The following FHIP1A variants were observed in gnomAD, a reference collection of about 807,000 sequenced individuals.
The protein encoded by FHIP1A is FHF complex subunit HOOK-interacting protein 1A.
A neutral mutation model predicts 88.6 loss-of-function variants in FHIP1A; 61 were observed. That is an observed-to-expected ratio of 0.69 (90% CI 0.56 to 0.85). FHIP1A has a LOEUF of 0.85. FHIP1A is among the 40% of genes least tolerant of loss of function. FHIP1A has a pLI of 0.00. For missense variants in FHIP1A, 1,154 were observed against 1,273.5 expected, an observed-to-expected ratio of 0.91 and a Z score of 1.43; for synonymous variants, 478 against 496.0, an observed-to-expected ratio of 0.96 and a Z score of 0.48.
intron 5 of FHIP1A, among the ~76,000 whole-genome samples, chr4:151,582,720 T>C (rs1360729830): frequency 6.6e-6 from 1 of 152,212 alleles, no homozygotes; most frequent in East Asian, 1.9e-4. Flanking sequence ...GGGTTAATGC[T>C]TAATGTGTTG....
chr4:151,664,076 A>T lies in FHIP1A; in HGVS notation c.*1322A>T, dbSNP rs1255834194. Among the ~76,000 whole-genome samples the T allele has an allele frequency of 6.6e-6, 1 of 152,152 alleles. No homozygotes were observed. Among genetic ancestry groups the T allele is most frequent in the Non-Finnish European group, 1.5e-5 (1 of 68,032 alleles). Reference sequence around the variant, plus strand: ...AACAACTGATTTTTATGGATATTAAATTCCACTCCCCTCTATTTTGGGCCC... The same window carrying T: ...AACAACTGATTTTTATGGATATTAATTTCCACTCCCCTCTATTTTGGGCCC... On this transcript the variant is annotated 3_prime_UTR_variant, in exon 14 of 14. Transcript: ENST00000435205.
chr4:151,473,835 A>G (rs1481220159), intron 2 of FHIP1A, among the ~76,000 whole-genome samples: 1 of 152,198 alleles, frequency 6.6e-6, no homozygotes, highest in Non-Finnish European at 1.5e-5. Flanking sequence ...AATGTGAAGG[A>G]CAGGTGTTTA....
chr4:151,473,031 C>G (rs1729580812), intron 2 of FHIP1A, among the ~76,000 whole-genome samples: 2 of 152,152 alleles, frequency 1.3e-5, no homozygotes. Flanking sequence ...AGGAAAGGGT[C>G]TCCTTACTGT....
At chr4:151,487,140 C>T (rs1730116125) in intron 3 of FHIP1A, among the ~76,000 whole-genome samples, 1 of 152,068 alleles carries the variant, frequency 6.6e-6, no homozygotes, top group Non-Finnish European at 1.5e-5. Flanking sequence ...TAGGGAATGT[C>T]ACTTTTTATT....
chr4:151,659,227 G>GT (rs1462980682), intron 13 of FHIP1A, among the ~76,000 whole-genome samples: 1 of 152,132 alleles, frequency 6.6e-6, no homozygotes, highest in Non-Finnish European at 1.5e-5. Context: ...TTTTACTTGA[G>GT]TTTTTTTAGA....
At chr4:151,516,586 A>C (rs1422578705) in intron 3 of FHIP1A, among the ~76,000 whole-genome samples, 1 of 152,202 alleles carries the variant, frequency 6.6e-6, no homozygotes, top group African/African-American at 2.4e-5. Context: ...ATCTACAATG[A>C]ACTCAAACAA....
intron 7 of FHIP1A, among the ~76,000 whole-genome samples, chr4:151,613,428 TTGA>T (rs1735399465): frequency 6.6e-6 from 1 of 152,232 alleles, no homozygotes; most frequent in African/African-American, 2.4e-5. Context: ...GCGGGATAAC[TTGA>T]TGACTGAATG....
chr4:151,474,731 A>C (rs1451494173), intron 2 of FHIP1A, among the ~76,000 whole-genome samples: 12 of 152,218 alleles, frequency 7.9e-5, no homozygotes, highest in Admixed American at 7.9e-4. Context: ...TTCGGCCCTG[A>C]AGCATCCAGT....
At chr4:151,614,188 G>A (rs1217059119) in intron 7 of FHIP1A, among the ~76,000 whole-genome samples, 1 of 151,594 alleles carries the variant, frequency 6.6e-6, no homozygotes, top group East Asian at 1.9e-4. Flanking sequence ...GTTTTATAAG[G>A]CCAGGCATGC....
At position 151,650,546 on chromosome 4, in the gene FHIP1A, CT is replaced by C; in HGVS notation, c.2508del (p.Phe836LeufsTer7). ...CATTTGTGGGGAGAGATGAGGCTGC[CT>C]TTGCCAGTCGCCATCCCGTGAGGAC... is the stretch of plus-strand genomic sequence containing the variant. ...SPFVGRDEAA[F>X]ASRHPVRTQS... On this transcript the variant is annotated frameshift_variant, in exon 11 of 14. Coordinates refer to ENST00000435205, the MANE Select transcript of FHIP1A (RefSeq NM_001109977.3). LOFTEE classifies it high-confidence loss of function. 1 of 1,551,376 alleles carries C rather than the reference CT, an allele frequency of 6.4e-7. No homozygotes were observed. The highest frequency in any genetic ancestry group is 8.7e-7 in the Non-Finnish European group (1 of 1,146,986).
chr4:151,466,958 C>G (rs1322396307), intron 2 of FHIP1A, among the ~76,000 whole-genome samples: 2 of 152,114 alleles, frequency 1.3e-5, no homozygotes, highest in Non-Finnish European at 2.9e-5. Flanking sequence ...GCAATTGCAA[C>G]AAAAGCCAAA....
chr4:151,546,293 G>A (rs1732499843), intron 3 of FHIP1A, among the ~76,000 whole-genome samples: 1 of 152,126 alleles, frequency 6.6e-6, no homozygotes. Flanking sequence ...CAGGCCTTTG[G>A]CCTTAGACTA....
At chr4:151,621,147 C>G (rs1254328903) in intron 7 of FHIP1A, among the ~76,000 whole-genome samples, 1 of 152,176 alleles carries the variant, frequency 6.6e-6, no homozygotes, top group Non-Finnish European at 1.5e-5. Flanking sequence ...TAAATTTTCT[C>G]TCACCGCACA....
intron 4 of FHIP1A, among the ~76,000 whole-genome samples, chr4:151,567,139 A>C (rs1733418342): frequency 6.6e-6 from 1 of 152,206 alleles, no homozygotes; most frequent in African/African-American, 2.4e-5. Flanking sequence ...AATGTTCAGA[A>C]AATTTACTAT....
chr4:151,614,053 C>T (rs1379238359), intron 7 of FHIP1A, among the ~76,000 whole-genome samples: 1 of 151,716 alleles, frequency 6.6e-6, no homozygotes, highest in African/African-American at 2.4e-5. Flanking sequence ...GTCTGAGCTA[C>T]TCGGGAGGAT....
rs75321722 is a variant in FHIP1A, at chr4:151,626,272, A to G, written c.979-3430A>G. ...ACTACCCACTTTTGGATTTCAAACT[A>G]TAGTTTCAAAAACACCAGCTTAAGG... On this transcript the variant is annotated intron_variant, in intron 7 of 13. Coordinates refer to ENST00000435205, the MANE Select transcript of FHIP1A (RefSeq NM_001109977.3). 2.6e-5 allele frequency among the ~76,000 whole-genome samples: 4 copies of G among 152,350 alleles called. No individual in the cohort carries two copies. In the East Asian group the frequency reaches 5.8e-4, roughly 22 times the overall value.
At chr4:151,501,970 G>T (rs1730665156) in intron 3 of FHIP1A, among the ~76,000 whole-genome samples, 1 of 151,590 alleles carries the variant, frequency 6.6e-6, no homozygotes, top group South Asian at 2.1e-4. Flanking sequence ...AGACTTACTA[G>T]ACAAAGACTT....
intron 2 of FHIP1A, among the ~76,000 whole-genome samples, chr4:151,478,490 G>A (rs1729786362): frequency 6.6e-6 from 1 of 152,068 alleles, no homozygotes; most frequent in African/African-American, 2.4e-5. Context: ...CTGGAAGAGG[G>A]CGGTCATCTC....
chr4:151,589,708 CT>C (rs1365722968), intron 7 of FHIP1A, among the ~76,000 whole-genome samples: 2 of 152,154 alleles, frequency 1.3e-5, no homozygotes, highest in Non-Finnish European at 2.9e-5. Flanking sequence ...TTTCTATGGA[CT>C]TTTATTTTAC....
Sources: gnomAD v4.1 joint callset for allele counts (sites outside exome capture counted in the v4.1 genomes callset) on GRCh38, gnomAD v4.1.1 for gene constraint, MANE v1.5 for transcripts, NCBI Gene and HGNC (gene_info 2026-07-23, HGNC 2026-07-21) for gene names.